DAB1: variants seen among roughly 807,000 people sequenced by gnomAD.
The protein encoded by DAB1 is DAB adaptor protein 1.
In DAB1, 15 loss-of-function variants were observed where a neutral mutation model predicts 64.6. That is an observed-to-expected ratio of 0.23 (90% CI 0.16 to 0.36). The LOEUF (loss-of-function observed/expected upper bound fraction) is 0.36, where lower values mean the gene tolerates loss of function less well. Ranked by LOEUF, DAB1 falls within the 10% of genes least tolerant of loss-of-function variation. The pLI, the probability that DAB1 is intolerant of heterozygous loss-of-function variation, is 1.00. For synonymous variants in DAB1, 235 were observed against 251.9 expected, an observed-to-expected ratio of 0.93 and a Z score of 0.64; for missense variants, 596 against 706.7, an observed-to-expected ratio of 0.84 and a Z score of 1.78.
chr1:58,107,827 G>A (rs111657865), intron 5 of DAB1, among the ~76,000 whole-genome samples: 118 of 152,100 alleles, frequency 7.8e-4, no homozygotes, highest in African/African-American at 2.6e-3. Flanking sequence ...ATGTTGGTCA[G>A]GCTGATCTTG....
intron 4 of DAB1, among the ~76,000 whole-genome samples, chr1:58,211,766 A>T (rs1408986451): frequency 6.6e-6 from 1 of 152,168 alleles, no homozygotes; most frequent in African/African-American, 2.4e-5. Flanking sequence ...CGAGAGATGA[A>T]ATCACTTTCC....
chr1:57,145,692 G>T (rs562647395), intron 2 of DAB1, among the ~76,000 whole-genome samples: 1 of 152,098 alleles, frequency 6.6e-6, no homozygotes, highest in African/African-American at 2.4e-5. Flanking sequence ...ACCCCAACAG[G>T]GTATTATGAT....
chr1:58,493,876 C>A (rs1386073299), intron 3 of DAB1, among the ~76,000 whole-genome samples: 6 of 151,426 alleles, frequency 4.0e-5, no homozygotes, highest in African/African-American at 1.2e-4. Flanking sequence ...CCATCCCCAT[C>A]AAGCTACCAA....
chr1:57,351,187 T>C (rs1361826964), intron 1 of DAB1, among the ~76,000 whole-genome samples: 1 of 152,188 alleles, frequency 6.6e-6, no homozygotes, highest in Non-Finnish European at 1.5e-5. Flanking sequence ...GTGACAGAAC[T>C]GGAACTCAAA....
intron 5 of DAB1, chr1:58,056,615 T>C: frequency 1.5e-6 from 1 of 663,248 alleles, no homozygotes; most frequent in Non-Finnish European, 2.7e-6. Context: ...GTGCAAGCTG[T>C]CTTCTGTCTG....
At chr1:57,217,909 C>T (rs1465673427) in intron 2 of DAB1, among the ~76,000 whole-genome samples, 1 of 152,086 alleles carries the variant, frequency 6.6e-6, no homozygotes, top group East Asian at 1.9e-4. Context: ...AATCACCGTT[C>T]ATTCATTTTC....
chr1:57,277,253 C>G (rs1297145780), intron 2 of DAB1, among the ~76,000 whole-genome samples: 1 of 152,190 alleles, frequency 6.6e-6, no homozygotes, highest in African/African-American at 2.4e-5. Flanking sequence ...AATCCTAACT[C>G]TGCTAGTTTC....
chr1:57,121,972 T>C (rs770563662), intron 4 of DAB1, among the ~76,000 whole-genome samples: 47 of 152,184 alleles, frequency 3.1e-4, no homozygotes, highest in Non-Finnish European at 5.9e-4. Context: ...ATCATTTTCA[T>C]AGCCCCTCCG....
chr1:57,397,303 C>T (rs904643991), intron 1 of DAB1, among the ~76,000 whole-genome samples: 4 of 152,164 alleles, frequency 2.6e-5, no homozygotes, highest in African/African-American at 7.2e-5. Flanking sequence ...CCTAACTATA[C>T]AGATAGTTGT....
At chr1:58,039,634 G>T (rs1438271355) in intron 5 of DAB1, among the ~76,000 whole-genome samples, 1 of 151,858 alleles carries the variant, frequency 6.6e-6, no homozygotes, top group Admixed American at 6.6e-5. Flanking sequence ...CAGCCTACAG[G>T]AGTTTGACAT....
At chr1:57,236,764 A>T (rs1443599346) in intron 2 of DAB1, among the ~76,000 whole-genome samples, 1 of 152,190 alleles carries the variant, frequency 6.6e-6, no homozygotes. Context: ...ATGGTAGAGC[A>T]AGTCAAACTG....
rs566987136 is a variant in DAB1 at position 57,228,403 on chromosome 1, T to C, written c.67+62561A>G. Among the ~76,000 whole-genome samples, 7 of 152,006 alleles carry C rather than the reference T, an allele frequency of 4.6e-5. 1 individual carries two copies. The highest frequency in any genetic ancestry group is 1.4e-4 in the African/African-American group (6 of 41,448). ...ACATCAGTAAGAAAAAGAATGCAAA[T>C]ATAGGATGAAAGATATAAAGATAAA... On this transcript the variant is annotated intron_variant, in intron 2 of 14. Coordinates refer to ENST00000371236, the MANE Select transcript of DAB1 (RefSeq NM_001365792.1).
At chr1:57,775,838 C>T (rs1422984152) in intron 6 of DAB1, among the ~76,000 whole-genome samples, 1 of 151,256 alleles carries the variant, frequency 6.6e-6, no homozygotes, top group African/African-American at 2.4e-5. Flanking sequence ...TGTTATTTTT[C>T]CTTTCAGTTC....
intron 6 of DAB1, among the ~76,000 whole-genome samples, chr1:57,703,288 G>A (rs577128446): frequency 1.1e-4 from 17 of 152,054 alleles, no homozygotes; most frequent in South Asian, 1.0e-3. Flanking sequence ...CAAACTATGC[G>A]TTCGACAAAG....
chr1:58,212,631 A>C (rs978314168), intron 4 of DAB1, among the ~76,000 whole-genome samples: 2 of 152,198 alleles, frequency 1.3e-5, no homozygotes, highest in Middle Eastern at 3.2e-3. Flanking sequence ...TTTGAAATTA[A>C]GATAAATGCA....
At chr1:57,815,528 G>T (rs575809435) in intron 6 of DAB1, among the ~76,000 whole-genome samples, 2 of 152,242 alleles carry the variant, frequency 1.3e-5, no homozygotes, top group African/African-American at 4.8e-5. Context: ...AAATTGTGAT[G>T]CTAAATGCAT....
intron 5 of DAB1, among the ~76,000 whole-genome samples, chr1:58,040,407 C>T (rs1647117240): frequency 6.6e-6 from 1 of 152,114 alleles, no homozygotes; most frequent in Non-Finnish European, 1.5e-5. Context: ...ACTTCACAGC[C>T]CAACCCTGGT....
At chr1:58,318,381 CTTCTT>C (rs1305069351) in intron 4 of DAB1, among the ~76,000 whole-genome samples, 1 of 152,164 alleles carries the variant, frequency 6.6e-6, no homozygotes, top group Non-Finnish European at 1.5e-5. Flanking sequence ...CCCAGGAGGG[CTTCTT>C]TTAAGTTCAT....
intron 3 of DAB1, among the ~76,000 whole-genome samples, chr1:58,349,528 A>G (rs1266820037): frequency 1.3e-5 from 2 of 152,072 alleles, no homozygotes; most frequent in South Asian, 2.1e-4. Context: ...TTATATAGGT[A>G]TGCACATACC....
Sources: allele counts gnomAD v4.1 joint callset (sites outside exome capture counted in the v4.1 genomes callset), GRCh38; gene constraint gnomAD v4.1.1; transcripts MANE v1.5; gene names NCBI Gene and HGNC (gene_info 2026-07-23, HGNC 2026-07-21).